The following STK4 variants were observed in gnomAD, a reference collection of about 807,000 sequenced individuals.
STK4 encodes serine/threonine-protein kinase 4.
A neutral mutation model predicts 64.9 loss-of-function variants in STK4; 30 were observed. The observed-to-expected ratio is 0.46, with a 90% CI of 0.35 to 0.63. STK4 has a LOEUF of 0.63. STK4 is among the 20% of genes least tolerant of loss of function. STK4 has a pLI of 0.01. For missense variants in STK4, 466 were observed against 598.5 expected (o/e 0.78, Z 2.31); for synonymous variants, 177 against 199.0 (o/e 0.89, Z 0.93).
chr20:45,042,932 A>G (rs560014062), intron 10 of STK4, among the ~76,000 whole-genome samples: 6 of 150,702 alleles, frequency 4.0e-5, no homozygotes, highest in Non-Finnish European at 8.8e-5. Context: ...GGTTTATGGC[A>G]CAGATCATGC....
At chr20:44,972,868 T>C (rs906680675) in intron 2 of STK4, 12 of 151,408 alleles carry the variant, frequency 7.9e-5, no homozygotes, top group Non-Finnish European at 1.8e-4. Context: ...TACAATCATA[T>C]GATTCAAAAT....
chr20:44,997,170 C>A lies in STK4; in HGVS notation c.695C>A (p.Ala232Glu). ...PPYADIHPMR[A>E]IFMIPTNPPP... ...TGTTTGTTTGTTTGTTCTAACCAGG[C>A]AATCTTCATGATTCCTACAAATCCT... The change falls in exon 7 of 11, where the codon GCA (alanine) becomes GAA (glutamate). Residue 232 changes from alanine to glutamate, a missense_variant and splice_region_variant. By Grantham distance (107) the Ala-to-Glu change is moderately radical (BLOSUM62 -1). Transcript: ENST00000372806. The A allele has an allele frequency of 6.2e-7, 1 of 1,613,664 alleles. No individual in the cohort carries two copies. Among genetic ancestry groups the A allele is most frequent in the Non-Finnish European group, 8.5e-7 (1 of 1,179,684 alleles).
At chr20:45,050,704 A>G (rs2068764054) in intron 10 of STK4, among the ~76,000 whole-genome samples, 1 of 152,168 alleles carries the variant, frequency 6.6e-6, no homozygotes, top group Non-Finnish European at 1.5e-5. Context: ...CTGCTAGAAT[A>G]TCTTTTAAAG....
At chr20:44,994,703 G>C (rs1006896929) in intron 5 of STK4, among the ~76,000 whole-genome samples, 5 of 152,036 alleles carry the variant, frequency 3.3e-5, no homozygotes, top group Non-Finnish European at 7.4e-5. Context: ...ATATTTAAAA[G>C]TTGAATAAAT....
chr20:45,055,151 G>A (rs962608540), intron 10 of STK4, among the ~76,000 whole-genome samples: 4 of 152,144 alleles, frequency 2.6e-5, no homozygotes, highest in Non-Finnish European at 5.9e-5. Flanking sequence ...GAGGTTGGGC[G>A]TTAACTTATT....
chr20:45,032,695 A>G (rs1390951455), intron 10 of STK4, among the ~76,000 whole-genome samples: 1 of 152,128 alleles, frequency 6.6e-6, no homozygotes, highest in Non-Finnish European at 1.5e-5. Context: ...GGTTAATTTC[A>G]TGTTTTTGCT....
chr20:45,067,684 A>C (rs958346271), intron 10 of STK4, among the ~76,000 whole-genome samples: 2 of 152,220 alleles, frequency 1.3e-5, no homozygotes, highest in Non-Finnish European at 2.9e-5. Context: ...ATGAAGTATC[A>C]GCTGGAGCTT....
At chr20:44,973,443 A>G (rs564059139) in intron 2 of STK4, 2 of 152,320 alleles carry the variant, frequency 1.3e-5, no homozygotes, top group Non-Finnish European at 2.9e-5. Flanking sequence ...GGTATGGGGA[A>G]ATGACAGTCC....
intron 4 of STK4, among the ~76,000 whole-genome samples, chr20:44,982,705 C>G (rs2067462951): frequency 6.6e-6 from 1 of 152,058 alleles, no homozygotes; most frequent in Admixed American, 6.6e-5. Flanking sequence ...GGTTTTAGTT[C>G]TGGTTCAGTT....
intron 10 of STK4, among the ~76,000 whole-genome samples, chr20:45,056,961 C>CCAAA (rs1978534950): frequency 6.6e-6 from 1 of 152,174 alleles, no homozygotes; most frequent in Admixed American, 6.5e-5. Context: ...CTGGGCAAGC[C>CCAAA]GTCGTTTACC....
chr20:45,064,114 G>T (rs932670988), intron 10 of STK4, among the ~76,000 whole-genome samples: 4 of 152,060 alleles, frequency 2.6e-5, no homozygotes, highest in African/African-American at 4.8e-5. Context: ...GGCCAAGGGG[G>T]GGGGTCCAGT....
At chr20:45,053,088 A>C (rs1418883732) in intron 10 of STK4, 40 of 1,611,810 alleles carry the variant, frequency 2.5e-5, no homozygotes, top group Non-Finnish European at 3.2e-5. Flanking sequence ...TCTTTCAGAA[A>C]ACTAGCCAAG....
At chr20:45,049,565 T>C (rs2068746649) in intron 10 of STK4, among the ~76,000 whole-genome samples, 1 of 152,200 alleles carries the variant, frequency 6.6e-6, no homozygotes, top group Non-Finnish European at 1.5e-5. Flanking sequence ...AAATACCATA[T>C]ACAATCTGTC....
At chr20:45,004,322 T>A (rs978501788) in intron 9 of STK4, 1 of 152,110 alleles carries the variant, frequency 6.6e-6, no homozygotes, top group Non-Finnish European at 1.5e-5. Context: ...TCTTGAACTC[T>A]TGACCTCAAG....
chr20:44,984,377 T>C (rs2067495237), intron 4 of STK4, among the ~76,000 whole-genome samples: 1 of 152,034 alleles, frequency 6.6e-6, no homozygotes, highest in Non-Finnish European at 1.5e-5. Flanking sequence ...ATTTGTTATG[T>C]ATTTTTAGTA....
chr20:45,014,850 G>A (rs1315487778), intron 9 of STK4, among the ~76,000 whole-genome samples: 1 of 152,096 alleles, frequency 6.6e-6, no homozygotes, highest in Non-Finnish European at 1.5e-5. Flanking sequence ...GGCAGAACTT[G>A]GACTACTAAT....
chr20:45,013,890 T>C (rs894548789), intron 9 of STK4, among the ~76,000 whole-genome samples: 1 of 152,168 alleles, frequency 6.6e-6, no homozygotes, highest in African/African-American at 2.4e-5. Flanking sequence ...ATTACTCACA[T>C]ATGTCATCCA....
In STK4 at chr20:45,030,034, A is replaced by C. The variant is rs6031939; in HGVS notation, c.1305+4904A>C. On this transcript the variant is annotated intron_variant, in intron 10 of 10. Coordinates refer to ENST00000372806, the MANE Select transcript of STK4 (RefSeq NM_006282.5). ...AAGAGCTAGTCCTTTGAGTGAAGAA[A>C]GTTCTGAATAATCTCCTGAAAGCTT... Among the ~76,000 whole-genome samples, 1,251 of 152,204 alleles carry C rather than the reference A, an allele frequency of 8.2e-3. 18 individuals carry two copies. The highest frequency in any genetic ancestry group is 0.028 in the African/African-American group (1,182 of 41,528).
chr20:45,044,134 T>G (rs1568749444), intron 10 of STK4, among the ~76,000 whole-genome samples: 1 of 152,218 alleles, frequency 6.6e-6, no homozygotes, highest in Non-Finnish European at 1.5e-5. Context: ...AATAATACAG[T>G]GTTTCTTTCT....
Sources: gnomAD v4.1 joint callset for allele counts (sites outside exome capture counted in the v4.1 genomes callset) on GRCh38, gnomAD v4.1.1 for gene constraint, MANE v1.5 for transcripts, NCBI Gene and HGNC (gene_info 2026-07-23, HGNC 2026-07-21) for gene names.